Variants in MDN1 observed in about 807,000 individuals in gnomAD.
MDN1 encodes the protein midasin.
MDN1 carries 266 observed loss-of-function variants against 669.2 expected under a neutral mutation model. The ratio of observed to expected loss-of-function variants is 0.40; its 90% CI spans 0.36 to 0.44. The LOEUF is 0.44. MDN1 is among the 20% of genes least tolerant of loss of function. The pLI is 1.00. For synonymous variants in MDN1, 2,385 were observed against 2,457.1 expected (o/e 0.97, Z 0.87); for missense variants, 5,940 against 6,754.0 (o/e 0.88, Z 4.22).
intron 32 of MDN1, among the ~76,000 whole-genome samples, chr6:89,738,700 T>C (rs927920613): frequency 1.3e-5 from 2 of 152,206 alleles, no homozygotes; most frequent in African/African-American, 2.4e-5. Context: ...ACAGACTAAG[T>C]GGTGGAAGCA....
rs749792909 is a variant in MDN1, at chr6:89,749,198, ATACATTCCAT to A, written c.3762+15_3762+24del. On this transcript the variant is annotated intron_variant, in intron 26 of 101. Transcript: ENST00000369393. ...AAATTTTGATCACCAAGTATAATCA[ATACATTCCAT>A]TTGAAACTAAGTACCTGAAGATCCA... 1.2e-6 allele frequency: 2 copies of A among 1,610,806 alleles called. No individual in the cohort carries two copies. Among genetic ancestry groups the A allele is most frequent in the South Asian group, 2.2e-5 (2 of 90,626 alleles).
At chr6:89,657,334 A>G (rs1809390308) in intron 90 of MDN1, among the ~76,000 whole-genome samples, 1 of 152,222 alleles carries the variant, frequency 6.6e-6, no homozygotes, top group East Asian at 1.9e-4. Context: ...TATTGTCAGT[A>G]AGAACTAGGA....
At position 89,776,712 on chromosome 6, in the gene MDN1, G is replaced by A. The variant is rs764508435; in HGVS notation, c.1726-17C>T. On this transcript the variant is annotated splice_polypyrimidine_tract_variant and intron_variant, in intron 11 of 101. Coordinates refer to ENST00000369393, the MANE Select transcript of MDN1 (RefSeq NM_014611.3). Reference sequence around the variant, plus strand: ...GTCTAGAGCCTATTAAAATAACCAAGGTAAATGCTGACTGATTTTTAAAAT... The same window carrying A: ...GTCTAGAGCCTATTAAAATAACCAAAGTAAATGCTGACTGATTTTTAAAAT... The A allele has an allele frequency of 7.3e-6, 11 of 1,503,250 alleles. No individual in the cohort carries two copies. Among genetic ancestry groups the A allele is most frequent in the South Asian group, 6.1e-5 (5 of 81,962 alleles). 93.1% of individuals were successfully genotyped at this position (1,503,250 alleles called of 1,614,324 possible). A position where few individuals can be genotyped will look rare whatever the true frequency, so the allele number is the denominator to read the frequency against.
chr6:89,645,201 C>T (rs367956340), intron 100 of MDN1, 44 bp from the exon 101 acceptor site: 86 of 1,557,912 alleles, frequency 5.5e-5, no homozygotes, highest in Non-Finnish European at 7.1e-5. Context: ...AATGAACAGC[C>T]ATTTTTAATA....
intron 78 of MDN1, 189 bp downstream of exon 78, chr6:89,675,275 G>A (rs1811104956): frequency 3.5e-6 from 2 of 569,606 alleles, no homozygotes; most frequent in Non-Finnish European, 6.2e-6. Context: ...GGAGGGAGAG[G>A]GACACTAGAG....
At chr6:89,665,763 G>A (rs1348422226) in intron 84 of MDN1, among the ~76,000 whole-genome samples, 2 of 151,298 alleles carry the variant, frequency 1.3e-5, no homozygotes, top group African/African-American at 4.9e-5. Flanking sequence ...GTAATAGCCA[G>A]GCATGGTGGT....
At chr6:89,717,534 T>C (rs761548936) in intron 43 of MDN1, among the ~76,000 whole-genome samples, 3 of 152,214 alleles carry the variant, frequency 2.0e-5, no homozygotes, top group Non-Finnish European at 4.4e-5. Flanking sequence ...TTCAGTATAG[T>C]GTTTATAATA....
At chr6:89,672,725 A>G in intron 80 of MDN1, 23 bp from the exon 81 acceptor site, 1 of 1,607,162 alleles carries the variant, frequency 6.2e-7, no homozygotes, top group Non-Finnish European at 8.5e-7. Flanking sequence ...ATGGTGCAAA[A>G]CAAACATACA....
intron 49 of MDN1, 21 bp downstream of exon 49, chr6:89,712,015 A>C: frequency 6.3e-7 from 1 of 1,590,096 alleles, no homozygotes; most frequent in Non-Finnish European, 8.6e-7. Context: ...ATCAGTGGAC[A>C]AATTAAGCTG....
Position 89,708,583 on chromosome 6 carries a change from A to G in MDN1, c.7811T>C (p.Leu2604Pro). Residue 2604 changes from leucine to proline, a missense_variant, in exon 51 of 102, where the codon CTG (leucine) becomes CCG (proline). By Grantham distance (98) the Leu-to-Pro change is moderately conservative (BLOSUM62 -3). This residue lies in a region of MDN1 where 2,292 missense variants were observed against 2,638.3 expected (regional missense o/e 0.87). Coordinates refer to ENST00000369393, the MANE Select transcript of MDN1 (RefSeq NM_014611.3). ...GTCCATCAAATTTCTAATCATGTCC[A>G]GAGCCTGCATATTCCATCGGGGATC... is the stretch of plus-strand genomic sequence containing the variant. ...PLDPRWNMQA[L>P]DMIRNLMDFD... 1 of 1,614,122 alleles carries G rather than the reference A, an allele frequency of 6.2e-7. No homozygotes were observed. Among genetic ancestry groups the G allele is most frequent in the Non-Finnish European group, 8.5e-7 (1 of 1,179,938 alleles).
In MDN1 at chr6:89,681,789, A is replaced by G. The variant is rs569862025; in HGVS notation, c.12103-1038T>C. 4.8e-4 allele frequency among the ~76,000 whole-genome samples: 73 copies of G among 152,338 alleles called. No individual in the cohort carries two copies. In the Middle Eastern group the frequency reaches 0.01, roughly 21 times the overall value. Reference sequence around the variant, plus strand: ...TCTGTGAGCCCCAGGTAGGAAATACAGTAAGAAGACAAAGCTAATTACTCT... The same window carrying G: ...TCTGTGAGCCCCAGGTAGGAAATACGGTAAGAAGACAAAGCTAATTACTCT... On this transcript the variant is annotated intron_variant, in intron 73 of 101. Coordinates refer to ENST00000369393, the MANE Select transcript of MDN1 (RefSeq NM_014611.3).
intron 12 of MDN1, 143 bp downstream of exon 12, chr6:89,776,455 CGA>C: frequency 3.3e-6 from 2 of 601,594 alleles, no homozygotes; most frequent in Non-Finnish European, 5.8e-6. Context: ...TGTATGCCCA[CGA>C]GAGGCTGCAA....
intron 100 of MDN1, 129 bp downstream of exon 100, chr6:89,646,411 T>C (rs981121640): frequency 2.6e-6 from 2 of 780,836 alleles, no homozygotes; most frequent in East Asian, 2.6e-5. Flanking sequence ...GCTCCATCAA[T>C]TTATGTCTTT....
rs184253924 is a variant in MDN1 at position 89,664,300 on chromosome 6, C to G, written c.14236+187G>C. On this transcript the variant is annotated intron_variant, in intron 85 of 101. Coordinates refer to ENST00000369393, the MANE Select transcript of MDN1 (RefSeq NM_014611.3). ...AATGTGAGAAGAATCTATGAGACAC[C>G]AGGGACTTCTGCCTCAGTGGAGGTG... Among the ~76,000 whole-genome samples the G allele has an allele frequency of 1.6e-3, 245 of 152,240 alleles. 2 individuals are homozygous for G. The highest frequency in any genetic ancestry group is 4.5e-3 in the African/African-American group (185 of 41,548).
At chr6:89,793,989 C>A in intron 4 of MDN1, 35 bp from the exon 5 acceptor site, 1 of 1,553,044 alleles carries the variant, frequency 6.4e-7, no homozygotes, top group Non-Finnish European at 8.8e-7. Flanking sequence ...ATTACCTTAC[C>A]ACTCAGAAAT....
At chr6:89,693,996 T>A in intron 62 of MDN1, 78 bp downstream of exon 62, 1 of 1,175,306 alleles carries the variant, frequency 8.5e-7, no homozygotes, top group South Asian at 1.2e-5. Flanking sequence ...TATTATCACT[T>A]CTACTCACAC....
intron 15 of MDN1, among the ~76,000 whole-genome samples, chr6:89,768,310 A>G (rs1015258458): frequency 6.6e-6 from 1 of 152,020 alleles, no homozygotes; most frequent in Non-Finnish European, 1.5e-5. Context: ...TGCTATTCTC[A>G]TGATAGTGAA....
At chr6:89,736,639 C>T (rs527726785) in intron 33 of MDN1, among the ~76,000 whole-genome samples, 31 of 150,984 alleles carry the variant, frequency 2.1e-4, no homozygotes, top group Non-Finnish European at 1.2e-4. Flanking sequence ...AAAAAAAACA[C>T]AAAAATTAGC....
intron 69 of MDN1, among the ~76,000 whole-genome samples, chr6:89,686,424 CA>C (rs66643418): frequency 1.3e-5 from 2 of 148,626 alleles, no homozygotes; most frequent in African/African-American, 2.5e-5. Context: ...GACTCTGTCT[CA>C]AAAAAAAATA....
Sources: allele counts gnomAD v4.1 joint callset (sites outside exome capture counted in the v4.1 genomes callset), GRCh38; gene constraint gnomAD v4.1.1; regional missense constraint gnomAD v4.1.1; transcripts MANE v1.5; gene names NCBI Gene and HGNC (gene_info 2026-07-23, HGNC 2026-07-21).